Variants in PTPRD observed in about 807,000 individuals in gnomAD.
PTPRD encodes the protein receptor-type tyrosine-protein phosphatase delta.
PTPRD carries 34 observed loss-of-function variants against 214.5 expected under a neutral mutation model. The ratio of observed to expected loss-of-function variants is 0.16; its 90% confidence interval spans 0.12 to 0.21. The LOEUF (loss-of-function observed/expected upper bound fraction) is 0.21. Ranked by LOEUF, PTPRD falls within the 10% of genes least tolerant of loss-of-function variation. The pLI is 1.00. For synonymous variants in PTPRD, 1,128 were observed against 845.7 expected (o/e 1.33, Z -5.79); for missense variants, 2,545 against 2,398.7 (o/e 1.06, Z -1.27).
chr9:9,195,884 T>C (rs2099938298), intron 9 of PTPRD, among the ~76,000 whole-genome samples: 1 of 152,164 alleles, frequency 6.6e-6, no homozygotes, highest in Non-Finnish European at 1.5e-5. Context: ...CATTGTTTCA[T>C]TATTATTAAA....
At chr9:10,092,593 G>A (rs972503136) in intron 3 of PTPRD, among the ~76,000 whole-genome samples, 2 of 151,180 alleles carry the variant, frequency 1.3e-5, no homozygotes, top group East Asian at 3.9e-4. Flanking sequence ...ACTTTCAACA[G>A]AAATAGAAAA....
intron 5 of PTPRD, among the ~76,000 whole-genome samples, chr9:9,809,333 T>C (rs1394200954): frequency 6.7e-6 from 1 of 149,996 alleles, no homozygotes; most frequent in Non-Finnish European, 1.5e-5. Flanking sequence ...AGTGGCCTGA[T>C]CTCGGCTCAC....
At position 8,528,757 on chromosome 9, in the gene PTPRD, G is replaced by C. The variant is rs750992182; in HGVS notation, c.375C>G (p.Phe125Leu). ...ACTGTGGGCCCATGTCAATGGTAGG[G>C]AAGCCCCTGGGAATTTGATCTTCTG... ...VLREDQIPRG[F>L]PTIDMGPQLK... The change falls in exon 15 of 46, where the codon TTC (phenylalanine) becomes TTG (leucine). Residue 125 changes from phenylalanine (F) to leucine (L), a missense_variant. Physicochemically the swap from Phe to Leu is conservative, Grantham distance 22. Coordinates refer to ENST00000381196, the MANE Select transcript of PTPRD (RefSeq NM_002839.4). 2 of 1,613,226 alleles carry C rather than the reference G, an allele frequency of 1.2e-6. No homozygotes were observed. Among genetic ancestry groups the C allele is most frequent in the African/African-American group, 2.7e-5 (2 of 74,856 alleles).
chr9:8,330,843 T>C (rs1029406011), intron 44 of PTPRD, among the ~76,000 whole-genome samples: 1 of 152,050 alleles, frequency 6.6e-6, no homozygotes, highest in African/African-American at 2.4e-5. Context: ...ATAAACTCTC[T>C]CAAGAGTTTC....
chr9:9,937,323 G>T (rs189410794), intron 5 of PTPRD, among the ~76,000 whole-genome samples: 1 of 149,940 alleles, frequency 6.7e-6, no homozygotes, highest in South Asian at 2.1e-4. Context: ...ATCTTATAAA[G>T]ACATTTTAAT....
intron 14 of PTPRD, among the ~76,000 whole-genome samples, chr9:8,561,253 A>G (rs372343176): frequency 7.9e-5 from 12 of 151,958 alleles, no homozygotes; most frequent in African/African-American, 2.9e-4. Flanking sequence ...ACCAATCAGC[A>G]CATACTCCTC....
intron 11 of PTPRD, among the ~76,000 whole-genome samples, chr9:8,793,253 T>C (rs2154513302): frequency 6.6e-6 from 1 of 150,922 alleles, no homozygotes; most frequent in South Asian, 2.1e-4. Context: ...TCTCTCTTCC[T>C]TTGATCACTC....
intron 2 of PTPRD, among the ~76,000 whole-genome samples, chr9:10,504,622 C>T (rs1042885772): frequency 3.9e-5 from 6 of 152,094 alleles, no homozygotes; most frequent in East Asian, 1.9e-4. Flanking sequence ...CTTCCGAATT[C>T]GTCAATTGCA....
Position 10,254,485 on chromosome 9 carries a change from G to C in PTPRD, c.-545+86478C>G, listed in dbSNP as rs183499377. On this transcript the variant is annotated intron_variant, in intron 3 of 45. Transcript: ENST00000381196. ...TTGTTGCCAGGCTGATGGCCATCTCGGTGTGCATGATGTAACATCTTCAGT... is the reference window on the plus strand; with the variant it reads ...TTGTTGCCAGGCTGATGGCCATCTCCGTGTGCATGATGTAACATCTTCAGT... Among the ~76,000 whole-genome samples, 296 of 151,984 alleles carry C rather than the reference G, an allele frequency of 1.9e-3. 1 individual carries two copies. The South Asian group carries it at 0.027, about 14-fold the overall frequency.
chr9:10,206,496 A>G (rs1594177705), intron 3 of PTPRD, among the ~76,000 whole-genome samples: 2 of 152,214 alleles, frequency 1.3e-5, no homozygotes, highest in Admixed American at 1.3e-4. Flanking sequence ...AATAGGAAGA[A>G]AAGAATTAAG....
chr9:10,147,585 A>G (rs2099032021), intron 3 of PTPRD, among the ~76,000 whole-genome samples: 1 of 152,132 alleles, frequency 6.6e-6, no homozygotes. Flanking sequence ...GAGATGCAAA[A>G]GCTACATTTG....
chr9:9,557,352 A>G (rs769983317), intron 8 of PTPRD, among the ~76,000 whole-genome samples: 1 of 152,178 alleles, frequency 6.6e-6, no homozygotes, highest in Non-Finnish European at 1.5e-5. Context: ...TTGTACCAAT[A>G]AGATACCGAA....
intron 3 of PTPRD, among the ~76,000 whole-genome samples, chr9:10,037,563 AT>A (rs2097207682): frequency 1.5e-5 from 2 of 134,150 alleles, no homozygotes; most frequent in African/African-American, 5.9e-5. Context: ...AGTCTTGAGT[AT>A]TTCTTTATAG....
At chr9:9,141,138 T>C (rs1414569321) in intron 10 of PTPRD, among the ~76,000 whole-genome samples, 1 of 150,658 alleles carries the variant, frequency 6.6e-6, no homozygotes, top group Non-Finnish European at 1.5e-5. Context: ...TTTTCTCTCC[T>C]CTCTTCTCTC....
chr9:10,146,775 G>GA (rs144435683), intron 3 of PTPRD, among the ~76,000 whole-genome samples: 3 of 151,560 alleles, frequency 2.0e-5, no homozygotes, highest in Middle Eastern at 3.2e-3. Context: ...AATGGGAGAA[G>GA]AAAAAAAAGA....
chr9:10,092,744 C>T (rs1035010521), intron 3 of PTPRD, among the ~76,000 whole-genome samples: 1 of 151,404 alleles, frequency 6.6e-6, no homozygotes, highest in Non-Finnish European at 1.5e-5. Flanking sequence ...AGTATTGGTA[C>T]AAAAGCACAC....
At chr9:10,078,897 ACTC>A (rs2098183118) in intron 3 of PTPRD, among the ~76,000 whole-genome samples, 2 of 151,468 alleles carry the variant, frequency 1.3e-5, no homozygotes, top group Non-Finnish European at 2.9e-5. Flanking sequence ...TGGTTTTCAG[ACTC>A]CTCACCATCT....
intron 3 of PTPRD, among the ~76,000 whole-genome samples, chr9:10,092,078 A>G (rs563131028): frequency 6.6e-5 from 10 of 151,502 alleles, no homozygotes; most frequent in Admixed American, 3.3e-4. Context: ...AAGAAACCAT[A>G]TAATGTATTT....
intron 12 of PTPRD, among the ~76,000 whole-genome samples, chr9:8,726,477 A>C (rs939717590): frequency 6.7e-6 from 1 of 148,378 alleles, no homozygotes; most frequent in African/African-American, 2.5e-5. Flanking sequence ...AACGCCTATA[A>C]TTCCAGCACT....
Sources: allele counts gnomAD v4.1 joint callset (sites outside exome capture counted in the v4.1 genomes callset), GRCh38; gene constraint gnomAD v4.1.1; transcripts MANE v1.5; gene names NCBI Gene and HGNC (gene_info 2026-07-23, HGNC 2026-07-21).